Variants in NLRP11 observed in about 807,000 individuals in gnomAD.
The protein encoded by NLRP11 is NACHT, LRR and PYD domains-containing protein 11.
NLRP11 carries 53 observed loss-of-function variants against 79.3 expected under a neutral mutation model. The observed-to-expected ratio is 0.67, with a 90% CI of 0.54 to 0.84. NLRP11 has a LOEUF of 0.84. Among genes scored for constraint, NLRP11 ranks in the 40% least tolerant of loss-of-function variants. The probability of loss-of-function intolerance (pLI) is 0.00; values close to 1 mark genes in which losing one functional copy is unlikely to be tolerated. For missense variants in NLRP11, 1,264 were observed against 1,255.0 expected (o/e 1.01, Z -0.11); for synonymous variants, 518 against 462.6 (o/e 1.12, Z -1.54).
At chr19:55,821,245 A>AC (rs1195309808) in intron 1 of NLRP11, among the ~76,000 whole-genome samples, 5 of 119,780 alleles carry the variant, frequency 4.2e-5, no homozygotes, top group African/African-American at 1.6e-4. Context: ...ACACACACAC[A>AC]CACACCCCAA....
intron 1 of NLRP11, among the ~76,000 whole-genome samples, chr19:55,819,341 C>T (rs532104870): frequency 1.3e-4 from 20 of 152,292 alleles, no homozygotes; most frequent in African/African-American, 4.1e-4. Context: ...CCCAAAAAAG[C>T]ATGTGTGCAA....
chr19:55,821,236 CACACACACACA>C (rs1185634201), intron 1 of NLRP11, among the ~76,000 whole-genome samples: 9 of 122,454 alleles, frequency 7.3e-5, no homozygotes, highest in African/African-American at 3.0e-4. Context: ...CACACACACA[CACACACACACA>C]CACCCCAAGC....
chr19:55,792,338 G>A lies in NLRP11; in HGVS notation c.2476C>T (p.Pro826Ser). The change falls in exon 7 of 10, where the codon CCC becomes TCC. Residue 826 changes from proline (P) to serine (S), a missense_variant. Pro to Ser is a moderately conservative substitution (Grantham distance 74). Coordinates refer to ENST00000589093, the Ensembl canonical transcript of NLRP11. Reference sequence around the variant, plus strand: ...AACTGACAGGTTGGAAACAGCAAGGGAAACGTCACATGCAACACTCCGTAA... The same window carrying A: ...AACTGACAGGTTGGAAACAGCAAGGAAAACGTCACATGCAACACTCCGTAA... 1.2e-6 allele frequency: 2 copies of A among 1,614,152 alleles called. No homozygotes were observed. The highest frequency in any genetic ancestry group is 2.2e-5 in the East Asian group (1 of 44,892).
In NLRP11 at chr19:55,806,899, AT is replaced by A. The variant is rs377424601; in HGVS notation, c.2003+953del. ...GGATGACCAACAGTTTATCTGGCTC[AT>A]TCTTTCACCTCATTCAAGTCTTTGC... On this transcript the variant is annotated intron_variant, in intron 4 of 9. Transcript: ENST00000589093. Among the ~76,000 whole-genome samples, 23 of 152,174 alleles carry A rather than the reference AT, an allele frequency of 1.5e-4. No individual in the cohort carries two copies. In the East Asian group the frequency reaches 3.5e-3, roughly 23 times the overall value.
chr19:55,828,026 A>T (rs1982396675), intron 1 of NLRP11, among the ~76,000 whole-genome samples: 1 of 151,026 alleles, frequency 6.6e-6, no homozygotes, highest in Non-Finnish European at 1.5e-5. Flanking sequence ...CAAATGTCCA[A>T]CAATGATAGA....
chr19:55,787,257 G>C (rs1221960090), intron 9 of NLRP11, among the ~76,000 whole-genome samples: 1 of 152,244 alleles, frequency 6.6e-6, no homozygotes, highest in African/African-American at 2.4e-5. Context: ...CTGATAGGCA[G>C]CTTCTAAATG....
At chr19:55,799,930 G>A (rs765211373) in intron 5 of NLRP11, among the ~76,000 whole-genome samples, 2 of 152,122 alleles carry the variant, frequency 1.3e-5, no homozygotes, top group African/African-American at 2.4e-5. Flanking sequence ...TCACACCACT[G>A]CACTCCAGCC....
upstream of NLRP11, chr19:55,833,034 C>A (rs572090690): frequency 5.3e-5 from 8 of 152,158 alleles, no homozygotes; most frequent in South Asian, 1.7e-3. Flanking sequence ...GAATATAAAT[C>A]AACATACAAA....
chr19:55,828,419 T>TA (rs113583933), intron 1 of NLRP11, among the ~76,000 whole-genome samples: 13,367 of 151,846 alleles, frequency 0.088, 860 homozygotes, highest in East Asian at 0.23. Flanking sequence ...AGTATAATAA[T>TA]AAAAAAAAGA....
At chr19:55,793,971 C>G (rs1978552244) in intron 6 of NLRP11, among the ~76,000 whole-genome samples, 1 of 152,234 alleles carries the variant, frequency 6.6e-6, no homozygotes, top group South Asian at 2.1e-4. Flanking sequence ...TAAATTTGGC[C>G]TTTTACAGGT....
intron 2 of NLRP11, among the ~76,000 whole-genome samples, chr19:55,814,253 C>T (rs1980872622): frequency 6.6e-6 from 1 of 152,102 alleles, no homozygotes; most frequent in Non-Finnish European, 1.5e-5. Flanking sequence ...CCCATCACCC[C>T]CCAATGGGAC....
intron 3 of NLRP11, 75 bp from the exon 4 acceptor site, chr19:55,808,089 G>A: frequency 9.5e-7 from 1 of 1,055,976 alleles, no homozygotes; most frequent in Non-Finnish European, 1.4e-6. Flanking sequence ...GTAAATTAAA[G>A]TATGTTTTGA....
rs16986655 is a variant in NLRP11, at chr19:55,819,627, C to T, written c.-62-1391G>A. Among the ~76,000 whole-genome samples, 1,029 of 152,148 alleles carry T rather than the reference C, an allele frequency of 6.8e-3. 20 individuals carry two copies. The East Asian group carries it at 0.094, about 14-fold the overall frequency. On this transcript the variant is annotated intron_variant, in intron 1 of 9. Transcript: ENST00000589093. ...CTCCATGGTTTTACAGCAAATGCTT[C>T]GACACAGAGAACAAGGGATAAATAG...
intron 2 of NLRP11, among the ~76,000 whole-genome samples, chr19:55,815,256 C>T (rs890285136): frequency 6.6e-5 from 10 of 152,104 alleles, no homozygotes; most frequent in East Asian, 1.9e-4. Context: ...AGGCTGGGCA[C>T]GGTGGCTTAT....
intron 5 of NLRP11, among the ~76,000 whole-genome samples, chr19:55,797,434 C>T (rs1229202501): frequency 6.6e-6 from 1 of 152,224 alleles, no homozygotes; most frequent in East Asian, 1.9e-4. Flanking sequence ...TAATAACCAT[C>T]TTTCAACTAA....
upstream of NLRP11, among the ~76,000 whole-genome samples, chr19:55,834,941 T>A (rs1983105015): frequency 6.6e-6 from 1 of 151,658 alleles, no homozygotes; most frequent in Admixed American, 6.6e-5. Context: ...AAAAAGAAAA[T>A]CGAAGGGAAT....
chr19:55,813,125 C>G (rs1238166256), intron 2 of NLRP11, among the ~76,000 whole-genome samples: 4 of 152,014 alleles, frequency 2.6e-5, no homozygotes, highest in Non-Finnish European at 5.9e-5. Flanking sequence ...GTCAGGAGTT[C>G]GAGACCAGCC....
At chr19:55,797,044 C>CT (rs11420166) in intron 5 of NLRP11, among the ~76,000 whole-genome samples, 32,640 of 152,046 alleles carry the variant, frequency 0.21, 7,352 homozygotes, top group African/African-American at 0.56. Flanking sequence ...CTCACTCTCC[C>CT]TCAAGTCCAC....
At chr19:55,832,341 A>G (rs545002861), upstream of NLRP11, among the ~76,000 whole-genome samples, 8 of 152,358 alleles carry the variant, frequency 5.3e-5, no homozygotes, top group South Asian at 1.4e-3. Flanking sequence ...AGTAAGCTCC[A>G]TGAGGGGAAT....
Sources: gnomAD v4.1 joint callset for allele counts (sites outside exome capture counted in the v4.1 genomes callset) on GRCh38, gnomAD v4.1.1 for gene constraint, MANE v1.5 for transcripts, NCBI Gene and HGNC (gene_info 2026-07-23, HGNC 2026-07-21) for gene names.